SPHKAP: variants seen among roughly 807,000 people sequenced by gnomAD.
SPHKAP encodes SPHK1 interactor, AKAP domain containing, also known as A-kinase anchor protein SPHKAP.
In SPHKAP, 67 loss-of-function variants were observed where a neutral mutation model predicts 137.5. The observed-to-expected ratio is 0.49, with a 90% CI of 0.40 to 0.60. The LOEUF (loss-of-function observed/expected upper bound fraction) is 0.60. SPHKAP is among the 20% of genes least tolerant of loss of function. The pLI is 0.00. For missense variants in SPHKAP, 2,097 were observed against 2,069.3 expected (o/e 1.01, Z -0.26); for synonymous variants, 813 against 785.3 (o/e 1.04, Z -0.59).
intron 7 of SPHKAP, among the ~76,000 whole-genome samples, chr2:228,005,433 G>A (rs1389594040): frequency 1.3e-5 from 2 of 152,056 alleles, no homozygotes; most frequent in Admixed American, 1.3e-4. Flanking sequence ...TTTATTTTGA[G>A]CCTATGTGTC....
chr2:228,166,374 G>A (rs1184436581), intron 1 of SPHKAP, among the ~76,000 whole-genome samples: 1 of 152,086 alleles, frequency 6.6e-6, no homozygotes, highest in Non-Finnish European at 1.5e-5. Context: ...CATTTAGTAT[G>A]ACACCTAGAC....
chr2:228,021,708 C>T lies in SPHKAP; in HGVS notation c.697+3G>A. On this transcript the variant is annotated splice_donor_region_variant and intron_variant, in intron 6 of 11. Transcript: ENST00000392056. ...CAGGAGGCACTAATTGGAAAGTTCT[C>T]ACCGTTCCTAGATTCATCCACCTCG... 1 of 1,606,266 alleles carries T rather than the reference C, an allele frequency of 6.2e-7. No homozygotes were observed. Among genetic ancestry groups the T allele is most frequent in the Non-Finnish European group, 8.5e-7 (1 of 1,176,842 alleles).
At chr2:227,995,103 A>G (rs1437442052) in intron 8 of SPHKAP, among the ~76,000 whole-genome samples, 1 of 152,214 alleles carries the variant, frequency 6.6e-6, no homozygotes, top group Non-Finnish European at 1.5e-5. Context: ...CAGGCCAAAC[A>G]ATACAACACA....
intron 5 of SPHKAP, chr2:228,022,221 G>A (rs1205494840): frequency 4.1e-6 from 4 of 985,086 alleles, no homozygotes; most frequent in Non-Finnish European, 4.8e-6. Context: ...ATTTCCCTTG[G>A]TCAAAGCAAA....
intron 7 of SPHKAP, among the ~76,000 whole-genome samples, chr2:228,005,312 C>T (rs913009338): frequency 6.6e-6 from 1 of 151,916 alleles, no homozygotes; most frequent in African/African-American, 2.4e-5. Context: ...TATGTAATGG[C>T]CTTCGTCTCT....
intron 1 of SPHKAP, among the ~76,000 whole-genome samples, chr2:228,149,555 G>A (rs1699869100): frequency 6.6e-6 from 1 of 152,144 alleles, no homozygotes; most frequent in Admixed American, 6.5e-5. Context: ...AGGGATTGGG[G>A]AAGAGAGCAT....
intron 7 of SPHKAP, among the ~76,000 whole-genome samples, chr2:227,998,072 T>C (rs564615571): frequency 1.3e-5 from 2 of 152,328 alleles, no homozygotes; most frequent in South Asian, 4.1e-4. Context: ...AGTAGCATGA[T>C]CTCAGCTCAC....
intron 1 of SPHKAP, among the ~76,000 whole-genome samples, chr2:228,148,817 GA>G (rs1232693233): frequency 1.3e-5 from 2 of 151,868 alleles, no homozygotes; most frequent in Non-Finnish European, 2.9e-5. Flanking sequence ...AGGGTAGGGG[GA>G]AAAAAAGAAA....
chr2:228,008,690 T>G (rs1220360312), intron 7 of SPHKAP, among the ~76,000 whole-genome samples: 1 of 152,148 alleles, frequency 6.6e-6, no homozygotes, highest in Non-Finnish European at 1.5e-5. Context: ...TTCATTTTTT[T>G]TTTTTTGCAT....
chr2:228,030,894 C>T (rs900802335), intron 3 of SPHKAP, among the ~76,000 whole-genome samples: 5 of 152,086 alleles, frequency 3.3e-5, no homozygotes, highest in East Asian at 1.9e-4. Context: ...ATATGTTTTA[C>T]GAGGGTGGAG....
chr2:228,086,527 T>C (rs141025256), intron 3 of SPHKAP, among the ~76,000 whole-genome samples: 3 of 152,252 alleles, frequency 2.0e-5, no homozygotes, highest in Non-Finnish European at 4.4e-5. Flanking sequence ...GGGGACTCCT[T>C]TTTTTCATAT....
chr2:228,018,713 A>G lies in SPHKAP; in HGVS notation c.2141T>C (p.Leu714Ser), dbSNP rs762962066. The change falls in exon 7 of 12, where the codon TTA becomes TCA. Residue 714 changes from leucine to serine, a missense_variant. By Grantham distance (145) the Leu-to-Ser change is moderately radical (BLOSUM62 -2). Transcript: ENST00000392056. ...CTTGAACGTGAAGCATATCACATCT[A>G]AAAGCAGTTGATTTGTACTTTCCAT... ...TLMESTNQLL[L>S]DVICFTFKKM... 1.2e-5 allele frequency: 20 copies of G among 1,614,090 alleles called. No homozygotes were observed. The highest frequency in any genetic ancestry group is 1.7e-5 in the Non-Finnish European group (20 of 1,180,044).
At chr2:228,067,136 C>A (rs1321723117) in intron 3 of SPHKAP, among the ~76,000 whole-genome samples, 3 of 152,156 alleles carry the variant, frequency 2.0e-5, no homozygotes, top group Non-Finnish European at 4.4e-5. Context: ...GACATCAGGG[C>A]AGAAAGCCAT....
At chr2:228,058,002 G>C (rs1049068133) in intron 3 of SPHKAP, among the ~76,000 whole-genome samples, 2 of 152,102 alleles carry the variant, frequency 1.3e-5, no homozygotes, top group Non-Finnish European at 2.9e-5. Context: ...CTCTACTCCT[G>C]TCCCCATCCC....
intron 3 of SPHKAP, among the ~76,000 whole-genome samples, chr2:228,081,144 T>C (rs1697353452): frequency 6.6e-6 from 1 of 152,194 alleles, no homozygotes; most frequent in Admixed American, 6.5e-5. Flanking sequence ...AGGTTATATA[T>C]CTCCACAGGT....
chr2:228,134,856 G>C (rs1699383590), intron 1 of SPHKAP, among the ~76,000 whole-genome samples: 1 of 152,174 alleles, frequency 6.6e-6, no homozygotes, highest in African/African-American at 2.4e-5. Flanking sequence ...CTTATGCCCA[G>C]TACTAAGACA....
intron 3 of SPHKAP, among the ~76,000 whole-genome samples, chr2:228,044,260 C>A (rs940987437): frequency 6.6e-6 from 1 of 152,152 alleles, no homozygotes. Flanking sequence ...ACTAAAGGCA[C>A]AACTTGAGTG....
intron 1 of SPHKAP, among the ~76,000 whole-genome samples, chr2:228,179,163 T>C (rs1700825827): frequency 6.6e-6 from 1 of 152,184 alleles, no homozygotes; most frequent in Admixed American, 6.5e-5. Context: ...TCTTAAATTG[T>C]TTTCTAATTC....
At chr2:228,086,560 G>A (rs767650145) in intron 3 of SPHKAP, among the ~76,000 whole-genome samples, 7 of 152,152 alleles carry the variant, frequency 4.6e-5, no homozygotes, top group Non-Finnish European at 8.8e-5. Flanking sequence ...TAAGATTGAG[G>A]TACCACCCTA....
Sources: allele counts gnomAD v4.1 joint callset (sites outside exome capture counted in the v4.1 genomes callset), GRCh38; gene constraint gnomAD v4.1.1; transcripts MANE v1.5; gene names NCBI Gene and HGNC (gene_info 2026-07-23, HGNC 2026-07-21).